Variants in GPC5 observed in about 807,000 individuals in gnomAD.
GPC5 encodes the protein glypican-5.
GPC5 carries 47 observed loss-of-function variants against 53.9 expected under a neutral mutation model. That is an observed-to-expected ratio of 0.87 (90% confidence interval 0.69 to 1.11). The LOEUF is 1.11. Ranked by LOEUF, GPC5 falls within the 50% of genes most tolerant of loss-of-function variation. The pLI, the probability that GPC5 is intolerant of heterozygous loss-of-function variation, is 0.00. For missense variants in GPC5, 748 were observed against 713.1 expected, an observed-to-expected ratio of 1.05 and a Z score of -0.56; for synonymous variants, 286 against 263.3, an observed-to-expected ratio of 1.09 and a Z score of -0.84.
rs560988067 is a variant in GPC5 at position 91,540,989 on chromosome 13, G to T, written c.325+92067G>T. ...CATTTTTGGTGAACGATGAGTGAAG[G>T]TTCACATTATTATGTATTTTAAAAT... On this transcript the variant is annotated intron_variant, in intron 2 of 7. Coordinates refer to ENST00000377067, the MANE Select transcript of GPC5 (RefSeq NM_004466.6). Among the ~76,000 whole-genome samples the T allele has an allele frequency of 1.9e-3, 295 of 152,130 alleles. 1 individual carries two copies. The highest frequency in any genetic ancestry group is 3.0e-3 in the Non-Finnish European group (205 of 67,988).
At chr13:92,516,158 T>C (rs1054746783) in intron 7 of GPC5, among the ~76,000 whole-genome samples, 30 of 151,826 alleles carry the variant, frequency 2.0e-4, no homozygotes, top group Admixed American at 2.6e-4. Flanking sequence ...GTACAGCTAA[T>C]TTTTTTTCTA....
At chr13:92,385,755 GTA>G (rs1297156348) in intron 7 of GPC5, among the ~76,000 whole-genome samples, 26 of 101,756 alleles carry the variant, frequency 2.6e-4, no homozygotes, top group East Asian at 9.1e-4. Context: ...ATATACACGT[GTA>G]TATATATACG....
chr13:92,031,396 C>A (rs2040840207), intron 6 of GPC5, among the ~76,000 whole-genome samples: 1 of 151,734 alleles, frequency 6.6e-6, no homozygotes, highest in Admixed American at 6.6e-5. Context: ...TGGGCACATA[C>A]CCAGTAGTGG....
chr13:91,523,940 T>C (rs949178824), intron 2 of GPC5, among the ~76,000 whole-genome samples: 4 of 152,030 alleles, frequency 2.6e-5, no homozygotes, highest in African/African-American at 7.2e-5. Context: ...GTTTTATGGT[T>C]TCTCTTTGCA....
intron 5 of GPC5, among the ~76,000 whole-genome samples, chr13:91,862,037 CTT>C (rs1281551454): frequency 6.6e-6 from 1 of 151,704 alleles, no homozygotes; most frequent in Non-Finnish European, 1.5e-5. Flanking sequence ...AAAATGATAT[CTT>C]TTTAAATTTT....
intron 2 of GPC5, among the ~76,000 whole-genome samples, chr13:91,489,201 C>T (rs1385856521): frequency 1.3e-5 from 2 of 152,176 alleles, no homozygotes; most frequent in African/African-American, 4.8e-5. Flanking sequence ...CCTTGTGAAG[C>T]ATGTGATCTC....
chr13:91,494,519 T>G (rs553792788), intron 2 of GPC5, among the ~76,000 whole-genome samples: 21 of 152,148 alleles, frequency 1.4e-4, no homozygotes, highest in Non-Finnish European at 2.1e-4. Flanking sequence ...TTAAAAGGGC[T>G]AACACCCTTG....
At chr13:91,537,050 G>C (rs1886623691) in intron 2 of GPC5, among the ~76,000 whole-genome samples, 1 of 152,062 alleles carries the variant, frequency 6.6e-6, no homozygotes, top group Non-Finnish European at 1.5e-5. Context: ...AGTGAAAACA[G>C]TACTCAGTGG....
intron 5 of GPC5, among the ~76,000 whole-genome samples, chr13:91,897,608 T>G (rs1386974936): frequency 6.6e-6 from 1 of 152,246 alleles, no homozygotes; most frequent in East Asian, 1.9e-4. Flanking sequence ...AGAGCGTTGG[T>G]GATGGGCCTG....
At chr13:91,501,345 G>A (rs544208221) in intron 2 of GPC5, among the ~76,000 whole-genome samples, 13 of 149,794 alleles carry the variant, frequency 8.7e-5, no homozygotes, top group African/African-American at 2.9e-4. Context: ...GCTGCACCCA[G>A]TAACTCGTCA....
chr13:92,461,117 G>T (rs1273125590), intron 7 of GPC5, among the ~76,000 whole-genome samples: 3 of 152,010 alleles, frequency 2.0e-5, no homozygotes, highest in African/African-American at 2.4e-5. Flanking sequence ...AATAAATCCT[G>T]TAAACTTTCT....
At chr13:92,302,377 T>C (rs2043081833) in intron 7 of GPC5, among the ~76,000 whole-genome samples, 1 of 152,188 alleles carries the variant, frequency 6.6e-6, no homozygotes. Flanking sequence ...ACAGTGGAAA[T>C]TGTGAAATTG....
chr13:91,495,933 G>A (rs925419920), intron 2 of GPC5, among the ~76,000 whole-genome samples: 5 of 152,124 alleles, frequency 3.3e-5, no homozygotes, highest in Non-Finnish European at 5.9e-5. Context: ...TGAGGCAGGA[G>A]AATTGCTTGA....
At chr13:92,157,425 T>A (rs1004223968) in intron 7 of GPC5, among the ~76,000 whole-genome samples, 1 of 152,182 alleles carries the variant, frequency 6.6e-6, no homozygotes, top group African/African-American at 2.4e-5. Context: ...TTGGTATTTA[T>A]GAAAGTTAGG....
chr13:92,833,362 A>G (rs1432581795), intron 7 of GPC5, among the ~76,000 whole-genome samples: 1 of 152,192 alleles, frequency 6.6e-6, no homozygotes, highest in Non-Finnish European at 1.5e-5. Context: ...GATTTCAGAT[A>G]AACAAATTGA....
chr13:91,978,910 C>G (rs1194776590), intron 6 of GPC5, among the ~76,000 whole-genome samples: 2 of 151,906 alleles, frequency 1.3e-5, no homozygotes, highest in Admixed American at 6.6e-5. Context: ...GATTTATGAT[C>G]CATTTTGAGA....
At chr13:91,854,916 G>C (rs1003600374) in intron 5 of GPC5, among the ~76,000 whole-genome samples, 4 of 151,640 alleles carry the variant, frequency 2.6e-5, no homozygotes, top group Non-Finnish European at 4.4e-5. Context: ...GTTAAAATGA[G>C]AATTCAGCAC....
chr13:92,596,932 G>T (rs116611305), intron 7 of GPC5, among the ~76,000 whole-genome samples: 5 of 152,228 alleles, frequency 3.3e-5, no homozygotes, highest in African/African-American at 1.2e-4. Flanking sequence ...ACCTTATTTG[G>T]CAAGATCCAC....
intron 2 of GPC5, among the ~76,000 whole-genome samples, chr13:91,684,477 C>T (rs1390995071): frequency 6.6e-6 from 1 of 152,202 alleles, no homozygotes; most frequent in Non-Finnish European, 1.5e-5. Context: ...TACTGAGGCC[C>T]AGTCTTCAGA....
Sources: allele counts gnomAD v4.1 joint callset (sites outside exome capture counted in the v4.1 genomes callset), GRCh38; gene constraint gnomAD v4.1.1; transcripts MANE v1.5; gene names NCBI Gene and HGNC (gene_info 2026-07-23, HGNC 2026-07-21).